The following RGS14 variants were observed in gnomAD, a reference collection of about 807,000 sequenced individuals.
RGS14 encodes the protein regulator of G protein signaling 14, also known as regulator of G-protein signaling 14.
Under a neutral mutation model 63.8 loss-of-function variants are expected in RGS14, and 33 were observed. That is an observed-to-expected ratio of 0.52 (90% confidence interval 0.39 to 0.69). The LOEUF is 0.69. Among genes scored for constraint, RGS14 ranks in the 30% least tolerant of loss-of-function variants. RGS14 has a pLI of 0.00. For synonymous variants in RGS14, 296 were observed against 320.9 expected, an observed-to-expected ratio of 0.92 and a Z score of 0.83; for missense variants, 739 against 742.9, an observed-to-expected ratio of 0.99 and a Z score of 0.06.
At chr5:177,369,035 C>A in intron 9 of RGS14, 115 bp downstream of exon 9, 3 of 1,006,214 alleles carry the variant, frequency 3.0e-6, no homozygotes, top group Non-Finnish European at 4.5e-6. Flanking sequence ...AACCCAACTC[C>A]AAAGCACCCT....
Position 177,367,720 on chromosome 5 carries a change from A to C in RGS14, c.634A>C (p.Lys212Gln). 6.2e-7 allele frequency: 1 copy of C among 1,612,944 alleles called. No homozygotes were observed. The highest frequency in any genetic ancestry group is 8.5e-7 in the Non-Finnish European group (1 of 1,179,674). The change falls in exon 7 of 15, where the codon AAG becomes CAG. Residue 212 changes from lysine (K) to glutamine (Q), a missense_variant. Physicochemically the swap from Lys to Gln is moderately conservative, Grantham distance 53 (BLOSUM62 1). Transcript: ENST00000408923. Reference protein sequence around the residue: ...GSPDATRKKPKLKPGKSLPLG... With the variant: ...GSPDATRKKPQLKPGKSLPLG... ...GCCTCCCCTGTACCCACAGAAGCCGAAGCTGAAGCCCGGGAAGTCGCTGCC... is the reference window on the plus strand; with the variant it reads ...GCCTCCCCTGTACCCACAGAAGCCGCAGCTGAAGCCCGGGAAGTCGCTGCC...
In RGS14 at chr5:177,364,385, G is replaced by A. The variant is rs115160820; in HGVS notation, c.46-1578G>A. Reference sequence around the variant, plus strand: ...AGATGGGGGCAGGGAAGCTGGTTTGGTACTGTGTTTTGGTGGAGGCAGAGG... The same window carrying A: ...AGATGGGGGCAGGGAAGCTGGTTTGATACTGTGTTTTGGTGGAGGCAGAGG... On this transcript the variant is annotated intron_variant, in intron 1 of 14. Transcript: ENST00000408923. This position sits in a 1 kb window ranked among gnomAD's most constrained non-coding sequence, Gnocchi z 4.6. Among the ~76,000 whole-genome samples the A allele has an allele frequency of 1.8e-4, 27 of 152,298 alleles. No homozygotes were observed. The highest frequency in any genetic ancestry group is 3.4e-3 in the Middle Eastern group (1 of 294).
chr5:177,372,382 T>C lies in RGS14; in HGVS notation c.*307T>C, dbSNP rs1581626294. On this transcript the variant is annotated 3_prime_UTR_variant, in exon 15 of 15. Transcript: ENST00000408923. ...AGGGATGGCGTTGGCAGTGCCAGCCTCCCCAGCCTGTGCCAAGCTTCAACA... is the reference window on the plus strand; with the variant it reads ...AGGGATGGCGTTGGCAGTGCCAGCCCCCCCAGCCTGTGCCAAGCTTCAACA... 9.3e-6 allele frequency: 3 copies of C among 322,770 alleles called. No homozygotes were observed. Among genetic ancestry groups the C allele is most frequent in the Non-Finnish European group, 5.7e-6 (1 of 174,768 alleles). 20.0% of individuals were successfully genotyped at this position (322,770 alleles called of 1,614,324 possible).
In RGS14 at chr5:177,367,737, G is replaced by A; in HGVS notation, c.651G>A (p.Lys217=). The change falls in exon 7 of 15, where the codon AAG becomes AAA. Residue 217 remains lysine, a synonymous_variant. Coordinates refer to ENST00000408923, the MANE Select transcript of RGS14 (RefSeq NM_006480.5). ...TRKKPKLKPG[K]SLPLGVEELG... is the part of the protein sequence containing the mutation. ...AGAAGCCGAAGCTGAAGCCCGGGAAGTCGCTGCCGCTGGGTGTGGAGGAGT... is the reference window on the plus strand; with the variant it reads ...AGAAGCCGAAGCTGAAGCCCGGGAAATCGCTGCCGCTGGGTGTGGAGGAGT... The A allele has an allele frequency of 6.2e-7, 1 of 1,613,218 alleles. No individual in the cohort carries two copies. Among genetic ancestry groups the A allele is most frequent in the South Asian group, 1.1e-5 (1 of 90,900 alleles).
intron 5 of RGS14, 58 bp from the exon 6 acceptor site, chr5:177,367,356 A>G: frequency 1.3e-6 from 2 of 1,525,258 alleles, no homozygotes; most frequent in East Asian, 2.4e-5. Flanking sequence ...GCCTGGGTGC[A>G]GGCAGCCCAG....
intron 5 of RGS14, 146 bp downstream of exon 5, chr5:177,367,180 G>T (rs1452810047): frequency 4.3e-5 from 51 of 1,195,222 alleles, no homozygotes; most frequent in Non-Finnish European, 5.7e-5. Context: ...AGGCAGGGCG[G>T]AGCTCAGAGG....
In RGS14 at chr5:177,358,937, TTC is replaced by T. The variant is rs1761891713; in HGVS notation, c.45+874_45+875del. On this transcript the variant is annotated intron_variant, in intron 1 of 14. Transcript: ENST00000408923. The surrounding 1 kb of genome is among the most constrained non-coding windows in gnomAD (Gnocchi z 4.8). ...GACCTGGGTTCCAGTCCTGGTTCTA[TTC>T]TCTCTTACTGGAGGGAGGGTCCTCG... Among the ~76,000 whole-genome samples the T allele has an allele frequency of 6.6e-6, 1 of 152,200 alleles. No homozygotes were observed.
intron 8 of RGS14, 95 bp downstream of exon 8, chr5:177,368,361 T>A (rs142406343): frequency 1.5e-6 from 2 of 1,299,902 alleles, no homozygotes; most frequent in East Asian, 5.0e-5. Context: ...GTTGCTGTCC[T>A]TACTGCGTCT....
At chr5:177,361,859 C>G (rs1761972525) in intron 1 of RGS14, among the ~76,000 whole-genome samples, 1 of 152,174 alleles carries the variant, frequency 6.6e-6, no homozygotes, top group South Asian at 2.1e-4. Flanking sequence ...CCCTTCCTTG[C>G]CCTTTCTTCC....
chr5:177,367,686 G>A (rs368247514), intron 6 of RGS14, 28 bp from the exon 7 acceptor site: 21 of 1,602,976 alleles, frequency 1.3e-5, no homozygotes, highest in Admixed American at 1.7e-5. Context: ...GGCCCAGCCC[G>A]GTGCCAGCGC....
Position 177,358,212 on chromosome 5 carries a change from G to C in RGS14, c.45+143G>C. The C allele has an allele frequency of 3.4e-6, 2 of 596,880 alleles. No individual in the cohort carries two copies. Among genetic ancestry groups the C allele is most frequent in the Non-Finnish European group, 5.0e-6 (2 of 398,138 alleles). The allele number at this position is 596,880 out of a possible 1,614,324, so 37.0% of individuals were successfully genotyped here. On this transcript the variant is annotated intron_variant, in intron 1 of 14. Transcript: ENST00000408923. The surrounding 1 kb of genome is among the most constrained non-coding windows in gnomAD (Gnocchi z 4.8). The stretch of plus-strand genomic sequence containing the variant: ...AAGTTGGGTACAGACAGCAGCAGGT[G>C]GTAGGACCTGGTGCTCTCACCCCTA...
At chr5:177,368,399 T>TCAGC in intron 8 of RGS14, 133 bp downstream of exon 8, 1 of 937,222 alleles carries the variant, frequency 1.1e-6, no homozygotes, top group South Asian at 1.7e-5. Context: ...AGCCAACCCT[T>TCAGC]CAGCCTCCTT....
Position 177,359,506 on chromosome 5 carries a change from A to G in RGS14, c.45+1437A>G, listed in dbSNP as rs1322616857. On this transcript the variant is annotated intron_variant, in intron 1 of 14. Transcript: ENST00000408923. The surrounding 1 kb of genome is among the most constrained non-coding windows in gnomAD (Gnocchi z 4.4). ...AACTACAGGGCAGCAGAGGGGGCCCAGAGACAGACCCAGCCCCTGCCCCTT... is the reference window on the plus strand; with the variant it reads ...AACTACAGGGCAGCAGAGGGGGCCCGGAGACAGACCCAGCCCCTGCCCCTT... Among the ~76,000 whole-genome samples, 1 of 152,142 alleles carries G rather than the reference A, an allele frequency of 6.6e-6. No individual in the cohort carries two copies. The highest frequency in any genetic ancestry group is 1.5e-5 in the Non-Finnish European group (1 of 68,020).
In RGS14 at chr5:177,368,219, G is replaced by C. The variant is rs1480135838; in HGVS notation, c.802G>C (p.Ala268Pro). Reference sequence around the variant, plus strand: ...GTCTCAGGGCTCCCTCAACTCCTCCGCCAGCCTGGACCTTGGCTTCCTAGC... The same window carrying C: ...GTCTCAGGGCTCCCTCAACTCCTCCCCCAGCCTGGACCTTGGCTTCCTAGC... ...RESQGSLNSS[A>P]SLDLGFLAFV... The change falls in exon 8 of 15, where the codon GCC (alanine) becomes CCC (proline). Residue 268 changes from alanine to proline, a missense_variant. Coordinates refer to ENST00000408923, the MANE Select transcript of RGS14 (RefSeq NM_006480.5). 1 of 1,613,882 alleles carries C rather than the reference G, an allele frequency of 6.2e-7. No homozygotes were observed. Among genetic ancestry groups the C allele is most frequent in the Non-Finnish European group, 8.5e-7 (1 of 1,179,908 alleles).
At position 177,367,488 on chromosome 5, in the gene RGS14, C is replaced by T. The variant is rs749313728; in HGVS notation, c.558C>T (p.Ala186=). The change falls in exon 6 of 15, where the codon GCC becomes GCT. Residue 186 remains alanine, a synonymous_variant. Transcript: ENST00000408923. ...KSPLYRECLL[A]EAEGRPLREP... is the part of the protein sequence containing the mutation. ...CGCTGTACCGCGAGTGCCTGCTAGC[C>T]GAAGCCGAGGGACGCCCTCTGCGGG... The T allele has an allele frequency of 3.1e-6, 5 of 1,612,656 alleles. No homozygotes were observed. The Admixed American group carries it at 5.0e-5, about 16-fold the overall frequency.
At position 177,370,963 on chromosome 5, in the gene RGS14, C is replaced by T; in HGVS notation, c.1186C>T (p.Leu396=). 7.5e-6 allele frequency: 12 copies of T among 1,608,064 alleles called. No individual in the cohort carries two copies. The highest frequency in any genetic ancestry group is 1.3e-5 in the African/African-American group (1 of 74,954). Residue 396 remains leucine (L), a synonymous_variant, in exon 11 of 15, where the codon CTG becomes TTG. Coordinates refer to ENST00000408923, the MANE Select transcript of RGS14 (RefSeq NM_006480.5). ...AATCTCAGCCAAGCCCACCAAGCGG[C>T]TGCAGGAGGCGCTGCAGCCCATTCT... The part of the protein sequence containing the change: ...VRISAKPTKR[L]QEALQPILEK...
At chr5:177,368,685 A>T in intron 8 of RGS14, 32 bp from the exon 9 acceptor site, 1 of 1,609,726 alleles carries the variant, frequency 6.2e-7, no homozygotes, top group Middle Eastern at 1.9e-4. Context: ...GCATGTGTAC[A>T]CATAATCTCC....
intron 1 of RGS14, among the ~76,000 whole-genome samples, chr5:177,360,566 T>TAAA (rs750301708): frequency 4.2e-4 from 27 of 64,802 alleles, no homozygotes; most frequent in Non-Finnish European, 5.6e-4. Flanking sequence ...GATCCTATAT[T>TAAA]AAAAAAAAAA....
chr5:177,369,009 C>A, intron 9 of RGS14, 89 bp downstream of exon 9: 2 of 1,364,432 alleles, frequency 1.5e-6, no homozygotes, highest in Non-Finnish European at 2.1e-6. Context: ...TGGCTCCAAC[C>A]CCAATTCAAG....
Sources: gnomAD v4.1 joint callset for allele counts (sites outside exome capture counted in the v4.1 genomes callset) on GRCh38, gnomAD v4.1.1 for gene constraint, Gnocchi (gnomAD v3.1) non-coding constraint, MANE v1.5 for transcripts, NCBI Gene and HGNC (gene_info 2026-07-23, HGNC 2026-07-21) for gene names.